Variants in PALLD observed in about 807,000 individuals in gnomAD.
PALLD encodes the protein palladin, cytoskeletal associated protein.
In PALLD, 61 loss-of-function variants were observed where a neutral mutation model predicts 123.5. The ratio of observed to expected loss-of-function variants is 0.49; its 90% CI spans 0.40 to 0.61. The LOEUF is 0.61. Ranked by LOEUF, PALLD falls within the 20% of genes least tolerant of loss-of-function variation. PALLD has a pLI of 0.00. For missense variants in PALLD, 1,273 were observed against 1,377.0 expected, an observed-to-expected ratio of 0.92 and a Z score of 1.20; for synonymous variants, 465 against 496.4, an observed-to-expected ratio of 0.94 and a Z score of 0.84.
At chr4:168,915,805 C>T in intron 16 of PALLD, 90 bp from the exon 17 acceptor site, 1 of 959,026 alleles carries the variant, frequency 1.0e-6, no homozygotes, top group South Asian at 1.3e-5. Context: ...CATATTATTA[C>T]CCCATGTATT....
intron 2 of PALLD, among the ~76,000 whole-genome samples, chr4:168,559,403 C>T (rs1767636413): frequency 1.5e-5 from 2 of 129,104 alleles, no homozygotes; most frequent in Admixed American, 7.9e-5. Flanking sequence ...GATACAGAAA[C>T]TATTTGCTCA....
intron 2 of PALLD, among the ~76,000 whole-genome samples, chr4:168,548,950 T>C (rs1360069776): frequency 6.6e-6 from 1 of 151,808 alleles, no homozygotes; most frequent in African/African-American, 2.4e-5. Flanking sequence ...GAGGTTGTTG[T>C]AGTGAGATTA....
At chr4:168,691,761 C>T (rs1377225149) in intron 8 of PALLD, among the ~76,000 whole-genome samples, 1 of 152,076 alleles carries the variant, frequency 6.6e-6, no homozygotes, top group Non-Finnish European at 1.5e-5. Context: ...TTTGTGTGCC[C>T]TGAGCCATAA....
At chr4:168,798,317 A>T (rs925871665) in intron 10 of PALLD, among the ~76,000 whole-genome samples, 2 of 152,344 alleles carry the variant, frequency 1.3e-5, no homozygotes, top group African/African-American at 4.8e-5. Flanking sequence ...ATGTAAAGGA[A>T]TAAAAGTTGA....
chr4:168,531,914 A>G (rs1764643860), intron 2 of PALLD, among the ~76,000 whole-genome samples: 1 of 151,590 alleles, frequency 6.6e-6, no homozygotes, highest in African/African-American at 2.4e-5. Context: ...TTTTTTAAAG[A>G]TTTTTACTTC....
intron 10 of PALLD, among the ~76,000 whole-genome samples, chr4:168,752,711 C>A (rs1374162255): frequency 6.6e-6 from 1 of 151,126 alleles, no homozygotes; most frequent in Non-Finnish European, 1.5e-5. Flanking sequence ...TCATTGGCAT[C>A]TATATACTTT....
chr4:168,536,831 C>CTT (rs11393140), intron 2 of PALLD, among the ~76,000 whole-genome samples: 2,615 of 144,422 alleles, frequency 0.018, 81 homozygotes, highest in African/African-American at 0.058. Flanking sequence ...AAGGTTCTCT[C>CTT]TTTTTTTTTT....
Position 168,728,058 on chromosome 4 carries a change from G to A in PALLD, c.1964+16135G>A, listed in dbSNP as rs182960439. Among the ~76,000 whole-genome samples the A allele has an allele frequency of 7.3e-4, 111 of 152,172 alleles. 1 individual carries two copies. Among genetic ancestry groups the A allele is most frequent in the African/African-American group, 2.4e-3 (101 of 41,516 alleles). The stretch of plus-strand genomic sequence containing the variant: ...TCTGAGCTTTCTATTGTGTTCCATT[G>A]GTTTATGTATTTGTTTTTGTACCAG... On this transcript the variant is annotated intron_variant, in intron 10 of 21. Coordinates refer to ENST00000505667, the MANE Select transcript of PALLD (RefSeq NM_001166108.2).
intron 10 of PALLD, among the ~76,000 whole-genome samples, chr4:168,731,665 G>GT (rs777774760): frequency 6.6e-6 from 1 of 152,222 alleles, no homozygotes; most frequent in Non-Finnish European, 1.5e-5. Context: ...GCAAAAAACT[G>GT]TAAGTGAATT....
chr4:168,508,080 T>C (rs1189975839), intron 1 of PALLD, among the ~76,000 whole-genome samples: 2 of 152,326 alleles, frequency 1.3e-5, no homozygotes, highest in East Asian at 3.9e-4. Flanking sequence ...TCTATACCAC[T>C]GCAGGATGAC....
At chr4:168,524,684 A>G (rs1388065126) in intron 2 of PALLD, among the ~76,000 whole-genome samples, 1 of 152,194 alleles carries the variant, frequency 6.6e-6, no homozygotes, top group Non-Finnish European at 1.5e-5. Flanking sequence ...GACCATCAGA[A>G]ACACCACCAC....
At chr4:168,555,723 T>C (rs985584971) in intron 2 of PALLD, among the ~76,000 whole-genome samples, 14 of 152,148 alleles carry the variant, frequency 9.2e-5, no homozygotes, top group African/African-American at 2.9e-4. Context: ...CATAACACAT[T>C]TAGAAACAAA....
chr4:168,827,717 A>C (rs1211280510), intron 10 of PALLD, among the ~76,000 whole-genome samples: 1 of 152,340 alleles, frequency 6.6e-6, no homozygotes, highest in East Asian at 1.9e-4. Flanking sequence ...TGACTCTAAA[A>C]AATATAGTAA....
chr4:168,629,591 GGCTCAGGGGAATCTGCATTTTCAACAA>G (rs1477406971), intron 2 of PALLD, among the ~76,000 whole-genome samples: 1 of 152,160 alleles, frequency 6.6e-6, no homozygotes, highest in Non-Finnish European at 1.5e-5. Context: ...TTCTGAGCAG[GGCTCAGGGGAATCTGCATTTTCAACAA>G]GCTCCCCCAC....
At chr4:168,693,517 T>C (rs1336406604) in intron 8 of PALLD, among the ~76,000 whole-genome samples, 2 of 152,192 alleles carry the variant, frequency 1.3e-5, no homozygotes, top group Non-Finnish European at 2.9e-5. Context: ...GTCCTAGCAA[T>C]GCAGAAAAAT....
At chr4:168,660,975 A>C (rs909210243) in intron 2 of PALLD, among the ~76,000 whole-genome samples, 3 of 150,212 alleles carry the variant, frequency 2.0e-5, no homozygotes, top group African/African-American at 7.4e-5. Flanking sequence ...CACGATCTTG[A>C]CTCACTGCAA....
At chr4:168,535,295 T>G (rs994573352) in intron 2 of PALLD, among the ~76,000 whole-genome samples, 1 of 152,226 alleles carries the variant, frequency 6.6e-6, no homozygotes, top group Non-Finnish European at 1.5e-5. Context: ...CTCTTGATTT[T>G]CACAAGAATT....
intron 14 of PALLD, among the ~76,000 whole-genome samples, chr4:168,900,847 G>A (rs999742609): frequency 6.6e-5 from 10 of 152,252 alleles, no homozygotes; most frequent in East Asian, 3.9e-4. Flanking sequence ...GTTTATGAAC[G>A]AAATTCAATA....
intron 8 of PALLD, among the ~76,000 whole-genome samples, chr4:168,706,445 A>G (rs1027658596): frequency 6.6e-6 from 1 of 152,242 alleles, no homozygotes; most frequent in South Asian, 2.1e-4. Context: ...TTAAACCTGT[A>G]TTAATATATC....
Sources: allele counts gnomAD v4.1 joint callset (sites outside exome capture counted in the v4.1 genomes callset), GRCh38; gene constraint gnomAD v4.1.1; transcripts MANE v1.5; gene names NCBI Gene and HGNC (gene_info 2026-07-23, HGNC 2026-07-21).